The following CTNNA3 variants were observed in gnomAD, a reference collection of about 807,000 sequenced individuals.
CTNNA3 encodes the protein catenin alpha-3.
In CTNNA3, 76 loss-of-function variants were observed where a neutral mutation model predicts 95.7. That is an observed-to-expected ratio of 0.79 (90% CI 0.66 to 0.96). CTNNA3 has a LOEUF of 0.96. Among genes scored for constraint, CTNNA3 ranks in the 40% least tolerant of loss-of-function variants. CTNNA3 has a pLI of 0.00. For missense variants in CTNNA3, 1,191 were observed against 1,089.8 expected, an observed-to-expected ratio of 1.09 and a Z score of -1.31; for synonymous variants, 431 against 374.4, an observed-to-expected ratio of 1.15 and a Z score of -1.74.
chr10:66,215,325 G>T (rs576711913), intron 13 of CTNNA3, among the ~76,000 whole-genome samples: 1 of 152,158 alleles, frequency 6.6e-6, no homozygotes, highest in Non-Finnish European at 1.5e-5. Flanking sequence ...CCCAAGCAAC[G>T]TGCTATGCCC....
intron 12 of CTNNA3, among the ~76,000 whole-genome samples, chr10:66,309,906 A>G (rs867233717): frequency 7.4e-6 from 1 of 135,846 alleles, no homozygotes; most frequent in East Asian, 2.2e-4. Context: ...AAAGATACAA[A>G]AAATAAATAA....
intron 5 of CTNNA3, among the ~76,000 whole-genome samples, chr10:67,340,644 C>T (rs545484874): frequency 6.6e-6 from 1 of 152,220 alleles, no homozygotes; most frequent in Non-Finnish European, 1.5e-5. Flanking sequence ...ATCAGGAAGT[C>T]TTCCTTTTAA....
intron 3 of CTNNA3, among the ~76,000 whole-genome samples, chr10:67,548,206 TC>T (rs1801673777): frequency 1.3e-5 from 2 of 152,180 alleles, no homozygotes. Context: ...TTGCTCCCAC[TC>T]TCGTCATGTG....
At chr10:67,618,738 G>C (rs1477584211) in intron 2 of CTNNA3, among the ~76,000 whole-genome samples, 1 of 152,298 alleles carries the variant, frequency 6.6e-6, no homozygotes, top group East Asian at 1.9e-4. Context: ...ACCAAAATAT[G>C]ATTTAAATAT....
intron 7 of CTNNA3, among the ~76,000 whole-genome samples, chr10:67,033,928 C>T (rs1367042588): frequency 6.6e-6 from 1 of 152,118 alleles, no homozygotes; most frequent in Non-Finnish European, 1.5e-5. Context: ...TGCGCTACCA[C>T]ACCTAGCTAA....
intron 9 of CTNNA3, among the ~76,000 whole-genome samples, chr10:66,764,248 G>T (rs1278763855): frequency 6.6e-6 from 1 of 152,084 alleles, no homozygotes; most frequent in East Asian, 1.9e-4. Flanking sequence ...AATTCACATG[G>T]AATGCAGAAT....
At chr10:66,505,894 G>T (rs1840432486) in intron 11 of CTNNA3, among the ~76,000 whole-genome samples, 1 of 152,078 alleles carries the variant, frequency 6.6e-6, no homozygotes, top group Non-Finnish European at 1.5e-5. Context: ...GTCTTAGCCT[G>T]TTTGTGTTGC....
At chr10:66,988,539 T>C (rs1406143950) in intron 7 of CTNNA3, among the ~76,000 whole-genome samples, 1 of 152,190 alleles carries the variant, frequency 6.6e-6, no homozygotes, top group East Asian at 1.9e-4. Flanking sequence ...TTGACAATTT[T>C]ATTCTGAATT....
intron 9 of CTNNA3, among the ~76,000 whole-genome samples, chr10:66,690,389 T>C (rs1847476056): frequency 6.6e-6 from 1 of 152,030 alleles, no homozygotes; most frequent in African/African-American, 2.4e-5. Context: ...GTTAGTTACA[T>C]ATGTATACAT....
chr10:66,755,662 G>A (rs559750473), intron 9 of CTNNA3, among the ~76,000 whole-genome samples: 6 of 152,160 alleles, frequency 3.9e-5, no homozygotes, highest in African/African-American at 9.6e-5. Flanking sequence ...CAGTAAATCC[G>A]CTTCTGGGTG....
At chr10:66,239,446 G>A (rs2090008267) in intron 13 of CTNNA3, among the ~76,000 whole-genome samples, 1 of 151,756 alleles carries the variant, frequency 6.6e-6, no homozygotes, top group African/African-American at 2.4e-5. Flanking sequence ...TTTTGCAATG[G>A]ACTAGTACTA....
intron 1 of CTNNA3, among the ~76,000 whole-genome samples, chr10:67,752,174 C>T (rs1197452850): frequency 6.6e-6 from 1 of 152,152 alleles, no homozygotes; most frequent in Non-Finnish European, 1.5e-5. Context: ...TCAACATACA[C>T]AAATCAATAA....
At chr10:66,838,060 G>C (rs917109308) in intron 7 of CTNNA3, among the ~76,000 whole-genome samples, 3 of 152,002 alleles carry the variant, frequency 2.0e-5, no homozygotes, top group African/African-American at 7.2e-5. Flanking sequence ...GGGCAATAAG[G>C]CATTTTTCAA....
rs376075800 is a variant in CTNNA3, at chr10:66,336,378, C to T, written c.1732+42774G>A. Among the ~76,000 whole-genome samples the T allele has an allele frequency of 4.1e-4, 63 of 152,150 alleles. 1 individual carries two copies. In the South Asian group the frequency reaches 0.012, roughly 30 times the overall value. On this transcript the variant is annotated intron_variant, in intron 12 of 17. Transcript: ENST00000433211. Reference sequence around the variant, plus strand: ...CTATCCGGCCATCTTAGCTCCACCCCCAGCACATATTTCTTCTTACCTAAT... The same window carrying T: ...CTATCCGGCCATCTTAGCTCCACCCTCAGCACATATTTCTTCTTACCTAAT...
At chr10:66,377,658 A>G (rs1399452906) in intron 12 of CTNNA3, among the ~76,000 whole-genome samples, 1 of 152,046 alleles carries the variant, frequency 6.6e-6, no homozygotes. Context: ...TTTGTCTAAA[A>G]AAAAAACCCC....
At chr10:67,744,006 T>C (rs946547780) in intron 1 of CTNNA3, among the ~76,000 whole-genome samples, 5 of 150,908 alleles carry the variant, frequency 3.3e-5, no homozygotes, top group African/African-American at 7.3e-5. Context: ...TAAAAGAGGA[T>C]ACAAACAAAT....
intron 5 of CTNNA3, among the ~76,000 whole-genome samples, chr10:67,405,473 T>G (rs1293157914): frequency 6.6e-6 from 1 of 151,684 alleles, no homozygotes; most frequent in Non-Finnish European, 1.5e-5. Context: ...TGATAAAGGG[T>G]TCAATTCAAC....
intron 9 of CTNNA3, among the ~76,000 whole-genome samples, chr10:66,718,811 A>G (rs1166395640): frequency 6.6e-6 from 1 of 152,124 alleles, no homozygotes; most frequent in Non-Finnish European, 1.5e-5. Context: ...ATCACATAAC[A>G]ATTGATTAAC....
chr10:66,872,854 C>T (rs1260152973), intron 7 of CTNNA3, among the ~76,000 whole-genome samples: 1 of 152,090 alleles, frequency 6.6e-6, no homozygotes, highest in African/African-American at 2.4e-5. Context: ...CCTTCCCTTC[C>T]CTGTCTAGCA....
Sources: allele counts gnomAD v4.1 joint callset (sites outside exome capture counted in the v4.1 genomes callset), GRCh38; gene constraint gnomAD v4.1.1; transcripts MANE v1.5; gene names NCBI Gene and HGNC (gene_info 2026-07-23, HGNC 2026-07-21).